Variants in GRSF1 observed in about 807,000 individuals in gnomAD.
The protein encoded by GRSF1 is G-rich sequence factor 1.
GRSF1 carries 50 observed loss-of-function variants against 51.1 expected under a neutral mutation model. The ratio of observed to expected loss-of-function variants is 0.98; its 90% CI spans 0.78 to 1.24. The LOEUF (loss-of-function observed/expected upper bound fraction) is 1.24, where lower values mean the gene tolerates loss of function less well. Ranked by LOEUF, GRSF1 falls within the 50% of genes most tolerant of loss-of-function variation. The pLI is 0.00. For missense variants in GRSF1, 700 were observed against 639.7 expected (o/e 1.09, Z -1.02); for synonymous variants, 293 against 253.3 (o/e 1.16, Z -1.49).
At chr4:70,830,398 T>A (rs1452745189) in intron 5 of GRSF1, among the ~76,000 whole-genome samples, 4 of 149,906 alleles carry the variant, frequency 2.7e-5, no homozygotes, top group African/African-American at 9.9e-5. Flanking sequence ...TGAGCTATCA[T>A]CATGCCACTG....
At chr4:70,834,391 T>G (rs1010194533) in intron 2 of GRSF1, among the ~76,000 whole-genome samples, 1 of 150,770 alleles carries the variant, frequency 6.6e-6, no homozygotes, top group Non-Finnish European at 1.5e-5. Context: ...CTATTGTAAA[T>G]GTCTGTATTA....
Position 70,839,657 on chromosome 4 carries a change from C to T in GRSF1, c.171G>A (p.Ala57=). The change falls in exon 1 of 10, where the codon GCG becomes GCA. Residue 57 remains alanine, a synonymous_variant. Coordinates refer to ENST00000254799, the MANE Select transcript of GRSF1 (RefSeq NM_002092.4). ...RRLLLLLGAA[A]AAASQTRGLQ... is the part of the protein sequence containing the mutation. ...GGCCACGCGTCTGGGAGGCAGCGGC[C>T]GCGGCGGCCCCGAGCAGCAGCAGCA... 1.4e-6 allele frequency: 2 copies of T among 1,396,948 alleles called. No individual in the cohort carries two copies. Among genetic ancestry groups the T allele is most frequent in the Non-Finnish European group, 1.8e-6 (2 of 1,088,880 alleles). 86.5% of individuals were successfully genotyped at this position (1,396,948 alleles called of 1,614,324 possible).
upstream of GRSF1, among the ~76,000 whole-genome samples, chr4:70,842,100 C>T (rs1367894966): frequency 1.3e-5 from 2 of 152,198 alleles, no homozygotes; most frequent in Non-Finnish European, 2.9e-5. Context: ...AGGCTAGGCC[C>T]AGGACCCACC....
At position 70,827,944 on chromosome 4, in the gene GRSF1, T is replaced by C. The variant is rs776606548; in HGVS notation, c.1043A>G (p.Lys348Arg). 37 of 1,612,216 alleles carry C rather than the reference T, an allele frequency of 2.3e-5. No individual in the cohort carries two copies. The highest frequency in any genetic ancestry group is 2.8e-5 in the Non-Finnish European group (33 of 1,178,470). The change falls in exon 6 of 10, where the codon AAG becomes AGG. Residue 348 changes from lysine to arginine, a missense_variant. Lys to Arg is a conservative substitution (Grantham distance 26, BLOSUM62 2). Transcript: ENST00000254799. ...GKKIASFPTA[K>R]YITEPEMVFE... ...GACCATTTCTGGCTCAGTTATATAC[T>C]TAGCAGTAGGAAAAGATGCGATTTT...
chr4:70,826,217 A>C lies in GRSF1; in HGVS notation c.1164T>G (p.Leu388=), dbSNP rs201594223. ...IELPKEVPEK[L]PEAADFGTTS... ...TAGTTCCAAAATCAGCAGCCTCTGGAAGCTTTTCTGGCACCTCCTTAGGCA... is the reference window on the plus strand; with the variant it reads ...TAGTTCCAAAATCAGCAGCCTCTGGCAGCTTTTCTGGCACCTCCTTAGGCA... Residue 388 remains leucine (L), a synonymous_variant, in exon 7 of 10, where the codon CTT becomes CTG. Coordinates refer to ENST00000254799, the MANE Select transcript of GRSF1 (RefSeq NM_002092.4). The C allele has an allele frequency of 1.2e-6, 2 of 1,610,698 alleles. No individual in the cohort carries two copies. Among genetic ancestry groups the C allele is most frequent in the Non-Finnish European group, 1.7e-6 (2 of 1,178,536 alleles).
At chr4:70,834,494 C>G (rs1284907605) in intron 2 of GRSF1, among the ~76,000 whole-genome samples, 1 of 152,036 alleles carries the variant, frequency 6.6e-6, no homozygotes, top group Non-Finnish European at 1.5e-5. Context: ...TAATTTCAAA[C>G]CATGTAATTT....
intron 5 of GRSF1, among the ~76,000 whole-genome samples, chr4:70,828,241 G>T (rs1407726985): frequency 6.6e-6 from 1 of 152,138 alleles, no homozygotes; most frequent in Non-Finnish European, 1.5e-5. Context: ...TTAAGTTTTT[G>T]CATCAAGGTA....
intron 5 of GRSF1, among the ~76,000 whole-genome samples, chr4:70,830,008 T>C (rs1199504607): frequency 1.3e-5 from 2 of 152,196 alleles, no homozygotes; most frequent in Non-Finnish European, 2.9e-5. Flanking sequence ...AACCCACTTA[T>C]CATCATGTGC....
At chr4:70,831,910 G>GTT (rs5859242) in intron 4 of GRSF1, among the ~76,000 whole-genome samples, 10 of 129,638 alleles carry the variant, frequency 7.7e-5, no homozygotes, top group Admixed American at 2.4e-4. Context: ...CTCCCCACCA[G>GTT]TTTTTTTTTT....
Position 70,818,070 on chromosome 4 carries a change from ACT to A in GRSF1, c.*2815_*2816del, listed in dbSNP as rs2148831908. 6.6e-6 allele frequency: 1 copy of A among 152,128 alleles called. No homozygotes were observed. Among genetic ancestry groups the A allele is most frequent in the African/African-American group, 2.4e-5 (1 of 41,504 alleles). The allele number at this position is 152,128 out of a possible 1,614,324, so 9.4% of individuals were successfully genotyped here. The stretch of plus-strand genomic sequence containing the variant: ...GTTTTTTTGATTTTGACAGAGTCTC[ACT>A]CTGTTGCCCAGGCTGGAGTGCAATG... On this transcript the variant is annotated 3_prime_UTR_variant, in exon 10 of 10. Transcript: ENST00000254799.
intron 8 of GRSF1, among the ~76,000 whole-genome samples, chr4:70,824,987 A>T (rs1733675818): frequency 1.3e-5 from 2 of 152,112 alleles, no homozygotes; most frequent in Non-Finnish European, 2.9e-5. Flanking sequence ...CTGTAATCCC[A>T]GCTACTCAGG....
At chr4:70,832,960 A>G (rs867856701) in intron 3 of GRSF1, among the ~76,000 whole-genome samples, 158 bp downstream of exon 3, 2 of 152,216 alleles carry the variant, frequency 1.3e-5, no homozygotes, top group African/African-American at 4.8e-5. Flanking sequence ...CCACAAAAAA[A>G]AGAAACTTTA....
At chr4:70,841,632 C>G (rs999276826), upstream of GRSF1, among the ~76,000 whole-genome samples, 1 of 152,190 alleles carries the variant, frequency 6.6e-6, no homozygotes, top group Admixed American at 6.5e-5. Context: ...ACCTTATTTT[C>G]TTTGCTAGAA....
At position 70,826,155 on chromosome 4, in the gene GRSF1, G is replaced by C. The variant is rs748964541; in HGVS notation, c.1226C>G (p.Pro409Arg). 2 of 1,611,584 alleles carry C rather than the reference G, an allele frequency of 1.2e-6. No homozygotes were observed. The highest frequency in any genetic ancestry group is 1.1e-5 in the South Asian group (1 of 90,838). ...SLHFVHMRGL[P>R]FQANAQDIIN... ...AATGTCTTGGGCATTGGCTTGGAAAGGTAATCCTCTCATGTGGACAAAATG... is the reference window on the plus strand; with the variant it reads ...AATGTCTTGGGCATTGGCTTGGAAACGTAATCCTCTCATGTGGACAAAATG... The change falls in exon 7 of 10, where the codon CCT (proline) becomes CGT (arginine). Residue 409 changes from proline to arginine, a missense_variant. Physicochemically the swap from Pro to Arg is moderately radical, Grantham distance 103 (BLOSUM62 -2). Coordinates refer to ENST00000254799, the MANE Select transcript of GRSF1 (RefSeq NM_002092.4).
intron 1 of GRSF1, among the ~76,000 whole-genome samples, chr4:70,837,039 G>T (rs1269541443): frequency 6.6e-6 from 1 of 152,188 alleles, no homozygotes; most frequent in Non-Finnish European, 1.5e-5. Flanking sequence ...GTTAATACAA[G>T]ACACTGAGGA....
rs2148849257 is a variant in GRSF1, at chr4:70,839,322, C to G, written c.357+149G>C. 3.3e-6 allele frequency: 5 copies of G among 1,503,214 alleles called. No homozygotes were observed. In the East Asian group the frequency reaches 1.1e-4, roughly 32 times the overall value. The allele number at this position is 1,503,214 out of a possible 1,614,324, so 93.1% of individuals were successfully genotyped here. A position where few individuals can be genotyped will look rare whatever the true frequency, so the allele number is the denominator to read the frequency against. On this transcript the variant is annotated intron_variant, in intron 1 of 9. Transcript: ENST00000254799. ...CCCTTGTTCCAGGGCCCAATAGGAGCACAGGGTGGACGGGGGCGGGTGTGC... is the reference window on the plus strand; with the variant it reads ...CCCTTGTTCCAGGGCCCAATAGGAGGACAGGGTGGACGGGGGCGGGTGTGC...
At chr4:70,830,280 G>A (rs969427180) in intron 5 of GRSF1, among the ~76,000 whole-genome samples, 4 of 151,820 alleles carry the variant, frequency 2.6e-5, no homozygotes, top group Non-Finnish European at 2.9e-5. Context: ...ACGCACGCAC[G>A]CACACACACA....
chr4:70,827,287 C>CAAA (rs11418022), intron 6 of GRSF1, among the ~76,000 whole-genome samples: 2 of 146,712 alleles, frequency 1.4e-5, no homozygotes, highest in African/African-American at 5.0e-5. Context: ...AACTCTGTCT[C>CAAA]AAAAAAAAAA....
At chr4:70,834,437 A>G (rs1472814479) in intron 2 of GRSF1, among the ~76,000 whole-genome samples, 1 of 152,140 alleles carries the variant, frequency 6.6e-6, no homozygotes, top group African/African-American at 2.4e-5. Flanking sequence ...ATTTCCACTG[A>G]CAGGCTTGAC....
Sources: gnomAD v4.1 joint callset for allele counts (sites outside exome capture counted in the v4.1 genomes callset) on GRCh38, gnomAD v4.1.1 for gene constraint, MANE v1.5 for transcripts, NCBI Gene and HGNC (gene_info 2026-07-23, HGNC 2026-07-21) for gene names.